Variants in CLPTM1 observed in about 807,000 individuals in gnomAD.
CLPTM1 encodes the protein putative lipid scramblase CLPTM1.
A neutral mutation model predicts 77.3 loss-of-function variants in CLPTM1; 21 were observed. That is an observed-to-expected ratio of 0.27 (90% CI 0.19 to 0.39). The LOEUF (loss-of-function observed/expected upper bound fraction) is 0.39. CLPTM1 is among the 10% of genes least tolerant of loss of function. CLPTM1 has a pLI of 1.00. For synonymous variants in CLPTM1, 373 were observed against 381.0 expected (o/e 0.98, Z 0.24); for missense variants, 642 against 921.2 (o/e 0.70, Z 3.92).
rs1443412639 is a variant in CLPTM1, at chr19:44,990,227, A to C, written c.1133-168A>C. The C allele has an allele frequency of 1.4e-5, 9 of 666,194 alleles. No individual in the cohort carries two copies. Among genetic ancestry groups the C allele is most frequent in the South Asian group, 3.8e-5 (2 of 52,886 alleles). The allele number at this position is 666,194 out of a possible 1,614,324, so 41.3% of individuals were successfully genotyped here. A position where few individuals can be genotyped will look rare whatever the true frequency, so the allele number is the denominator to read the frequency against. On this transcript the variant is annotated intron_variant, in intron 9 of 13. Coordinates refer to ENST00000337392, the MANE Select transcript of CLPTM1 (RefSeq NM_001294.4). This position sits in a 1 kb window ranked among gnomAD's most constrained non-coding sequence, Gnocchi z 4.8. ...TGTCTGGTGCTCTGGGGGTCACCCA[A>C]TGAATATGAGAGCCTTCCTGGGAGA...
intron 3 of CLPTM1, 44 bp downstream of exon 3, chr19:44,973,254 T>A (rs751739533): frequency 6.2e-7 from 1 of 1,612,520 alleles, no homozygotes; most frequent in Non-Finnish European, 8.5e-7. Flanking sequence ...TGATGGGGTG[T>A]GGAGGGGTGG....
chr19:44,962,950 G>A (rs204912), intron 2 of CLPTM1, among the ~76,000 whole-genome samples: 12,126 of 151,700 alleles, frequency 0.08, 637 homozygotes, highest in African/African-American at 0.15. Context: ...GCGTGAACCC[G>A]GGAGGCGGAG....
chr19:44,973,500 C>T (rs1970754834), intron 3 of CLPTM1, among the ~76,000 whole-genome samples: 1 of 152,144 alleles, frequency 6.6e-6, no homozygotes. Context: ...AAAGTATGTT[C>T]AGCCTTTCAG....
chr19:44,992,949 C>T lies in CLPTM1; in HGVS notation c.*52C>T, dbSNP rs1241145225. On this transcript the variant is annotated 3_prime_UTR_variant, in exon 14 of 14. Transcript: ENST00000337392. The surrounding 1 kb of genome is among the most constrained non-coding windows in gnomAD (Gnocchi z 7.7). ...CTCCTGGCGACCACTACCCCTGCGT[C>T]CCGGCCCCCTCGCCTCCCCTCCCTG... 2.5e-6 allele frequency: 4 copies of T among 1,579,096 alleles called. No individual in the cohort carries two copies. The highest frequency in any genetic ancestry group is 2.7e-5 in the African/African-American group (2 of 74,238).
At chr19:44,957,113 C>A (rs1021915986) in intron 1 of CLPTM1, among the ~76,000 whole-genome samples, 2 of 152,210 alleles carry the variant, frequency 1.3e-5, no homozygotes, top group African/African-American at 4.8e-5. Context: ...GCCATCCCTG[C>A]GTGAGAACAA....
At chr19:44,958,835 A>G (rs1167918257) in intron 1 of CLPTM1, among the ~76,000 whole-genome samples, 1 of 152,110 alleles carries the variant, frequency 6.6e-6, no homozygotes, top group Non-Finnish European at 1.5e-5. Context: ...TGCTGCTCCC[A>G]ATCCTAGGCA....
At chr19:44,987,108 G>T in intron 7 of CLPTM1, 71 bp from the exon 8 acceptor site, 1 of 1,547,944 alleles carries the variant, frequency 6.5e-7, no homozygotes, top group South Asian at 1.2e-5. Flanking sequence ...GGTCTCTCCA[G>T]ACATCTGAGG....
At position 44,991,113 on chromosome 19, in the gene CLPTM1, C is replaced by A; in HGVS notation, c.1420-125C>A. The A allele has an allele frequency of 6.6e-7, 1 of 1,523,656 alleles. No homozygotes were observed. Among genetic ancestry groups the A allele is most frequent in the South Asian group, 1.2e-5 (1 of 82,860 alleles). 94.4% of individuals were successfully genotyped at this position (1,523,656 alleles called of 1,614,324 possible). ...GCTTCCCTGGGCGAGTCCGGAGTCC[C>A]CAGGGCTACCTGGAAATTCCCCCTG... On this transcript the variant is annotated intron_variant, in intron 11 of 13. Coordinates refer to ENST00000337392, the MANE Select transcript of CLPTM1 (RefSeq NM_001294.4). The surrounding 1 kb of genome is among the most constrained non-coding windows in gnomAD (Gnocchi z 5.4).
Position 44,990,650 on chromosome 19 carries a change from C to T in CLPTM1, c.1323+65C>T. 4 of 1,550,732 alleles carry T rather than the reference C, an allele frequency of 2.6e-6. No homozygotes were observed. The highest frequency in any genetic ancestry group is 1.7e-5 in the Admixed American group (1 of 58,174). On this transcript the variant is annotated intron_variant, in intron 10 of 13. Coordinates refer to ENST00000337392, the MANE Select transcript of CLPTM1 (RefSeq NM_001294.4). This position sits in a 1 kb window ranked among gnomAD's most constrained non-coding sequence, Gnocchi z 4.8. Reference sequence around the variant, plus strand: ...GTTGGGAGGGGGTAGTGTGGCCCAGCTGGACCCTGGAGCTGGCCCCCGGGG... The same window carrying T: ...GTTGGGAGGGGGTAGTGTGGCCCAGTTGGACCCTGGAGCTGGCCCCCGGGG...
intron 5 of CLPTM1, among the ~76,000 whole-genome samples, chr19:44,983,024 G>GCT (rs1970922387): frequency 6.6e-6 from 1 of 150,616 alleles, no homozygotes; most frequent in South Asian, 2.1e-4. Flanking sequence ...TCATGCCACT[G>GCT]CTCTCTAGCC....
At chr19:44,977,525 C>T (rs993028184) in intron 5 of CLPTM1, 65 bp downstream of exon 5, 11 of 1,242,768 alleles carry the variant, frequency 8.9e-6, no homozygotes, top group Non-Finnish European at 1.0e-5. Context: ...AGCCCCCAGG[C>T]TAATGTGGCG....
At chr19:44,976,265 G>T (rs1600029798) in intron 4 of CLPTM1, among the ~76,000 whole-genome samples, 2 of 152,188 alleles carry the variant, frequency 1.3e-5, no homozygotes, top group Admixed American at 1.3e-4. Context: ...CCCAGCAGGG[G>T]GATCTGCTTC....
intron 5 of CLPTM1, among the ~76,000 whole-genome samples, chr19:44,980,527 A>G (rs1045018799): frequency 7.1e-6 from 1 of 140,980 alleles, no homozygotes; most frequent in Non-Finnish European, 1.6e-5. Flanking sequence ...AAAAAAAAAA[A>G]GAAAAGAAAA....
At position 44,962,020 on chromosome 19, in the gene CLPTM1, C is replaced by T; in HGVS notation, c.130C>T (p.Pro44Ser). 6.2e-7 allele frequency: 1 copy of T among 1,611,402 alleles called. No individual in the cohort carries two copies. Among genetic ancestry groups the T allele is most frequent in the Non-Finnish European group, 8.5e-7 (1 of 1,179,224 alleles). ...DPPAETQPQN[P>S]PAQPAPNAWQ... ...GCCAGCGGAGACCCAGCCTCAGAAC[C>T]CACCGGCCCAGCCGGCACCCAATGC... Residue 44 changes from proline to serine, a missense_variant, in exon 2 of 14, where the codon CCA becomes TCA. Transcript: ENST00000337392.
chr19:44,988,768 C>T (rs1971022719), intron 9 of CLPTM1, among the ~76,000 whole-genome samples: 1 of 152,260 alleles, frequency 6.6e-6, no homozygotes, highest in Non-Finnish European at 1.5e-5. Context: ...CAACTCTCAT[C>T]TTCTAGGCCC....
chr19:44,972,511 A>G (rs1671031292), intron 2 of CLPTM1, among the ~76,000 whole-genome samples: 1 of 152,078 alleles, frequency 6.6e-6, no homozygotes, highest in South Asian at 2.1e-4. Flanking sequence ...GGCCTCCCAA[A>G]GTGCTGGGAT....
chr19:44,955,648 GC>G (rs973767403), intron 1 of CLPTM1, 181 bp downstream of exon 1: 11 of 535,670 alleles, frequency 2.1e-5, no homozygotes, highest in African/African-American at 3.9e-5. Flanking sequence ...CGGGAACAGG[GC>G]CCTGTTGCGG....
At chr19:44,969,808 C>T (rs1970690184) in intron 2 of CLPTM1, among the ~76,000 whole-genome samples, 1 of 151,774 alleles carries the variant, frequency 6.6e-6, no homozygotes, top group African/African-American at 2.4e-5. Context: ...TTGCCTCCGC[C>T]TACCAAGTAG....
intron 5 of CLPTM1, among the ~76,000 whole-genome samples, chr19:44,981,757 A>G (rs2122307623): frequency 6.6e-6 from 1 of 151,782 alleles, no homozygotes; most frequent in South Asian, 2.1e-4. Context: ...ATAAAAATAC[A>G]AAAATTAGCC....
Sources: allele counts gnomAD v4.1 joint callset (sites outside exome capture counted in the v4.1 genomes callset), GRCh38; gene constraint gnomAD v4.1.1; non-coding constraint Gnocchi (gnomAD v3.1); transcripts MANE v1.5; gene names NCBI Gene and HGNC (gene_info 2026-07-23, HGNC 2026-07-21).